The following PCNX1 variants were observed in gnomAD, a reference collection of about 807,000 sequenced individuals.
PCNX1 encodes pecanex-like protein 1.
In PCNX1, 78 loss-of-function variants were observed where a neutral mutation model predicts 242.2. That is an observed-to-expected ratio of 0.32 (90% CI 0.27 to 0.39). The LOEUF (loss-of-function observed/expected upper bound fraction) is 0.39. Among genes scored for constraint, PCNX1 ranks in the 10% least tolerant of loss-of-function variants. The probability of loss-of-function intolerance (pLI) is 1.00; values close to 1 mark genes in which losing one functional copy is unlikely to be tolerated. For synonymous variants in PCNX1, 1,024 were observed against 1,032.9 expected (o/e 0.99, Z 0.17); for missense variants, 2,581 against 2,856.5 (o/e 0.90, Z 2.20).
chr14:70,978,059 A>G lies in PCNX1; in HGVS notation c.1722A>G (p.Ser574=). The change falls in exon 6 of 36, where the codon TCA becomes TCG. Residue 574 remains serine (S), a synonymous_variant. Transcript: ENST00000304743. ...TGKKRASSFD[S]SRHRDYVCFR... is the part of the protein sequence containing the mutation. Reference sequence around the variant, plus strand: ...AAAAACGGGCTAGCAGTTTTGATTCAAGCCGGCATAGGGACTATGTTTGCT... The same window carrying G: ...AAAAACGGGCTAGCAGTTTTGATTCGAGCCGGCATAGGGACTATGTTTGCT... 1 of 1,614,130 alleles carries G rather than the reference A, an allele frequency of 6.2e-7. No homozygotes were observed. Among genetic ancestry groups the G allele is most frequent in the Non-Finnish European group, 8.5e-7 (1 of 1,180,022 alleles).
chr14:70,991,406 A>G (rs889252369), intron 7 of PCNX1, among the ~76,000 whole-genome samples: 2 of 151,726 alleles, frequency 1.3e-5, no homozygotes, highest in Non-Finnish European at 2.9e-5. Flanking sequence ...GGGTTTCACT[A>G]TGCTGGCCAG....
At chr14:71,031,148 T>C (rs2060371217) in intron 16 of PCNX1, among the ~76,000 whole-genome samples, 1 of 152,222 alleles carries the variant, frequency 6.6e-6, no homozygotes, top group Admixed American at 6.5e-5. Flanking sequence ...GGTGAGCTGC[T>C]ACACTGCACA....
intron 1 of PCNX1, among the ~76,000 whole-genome samples, chr14:70,925,624 C>A (rs1355396638): frequency 1.6e-5 from 2 of 122,088 alleles, no homozygotes; most frequent in African/African-American, 6.4e-5. Context: ...TGAACTGTAT[C>A]TACTCAGGTC....
intron 3 of PCNX1, among the ~76,000 whole-genome samples, 162 bp downstream of exon 3, chr14:70,962,493 C>T (rs1295030695): frequency 6.6e-6 from 1 of 152,086 alleles, no homozygotes; most frequent in East Asian, 1.9e-4. Context: ...TTTTAAGTTA[C>T]TTTTCACATT....
intron 28 of PCNX1, among the ~76,000 whole-genome samples, chr14:71,080,417 G>A (rs889721562): frequency 1.1e-4 from 16 of 152,108 alleles, no homozygotes; most frequent in African/African-American, 3.6e-4. Flanking sequence ...AAGCAAGTCT[G>A]TGGTAGCTTG....
At chr14:71,031,752 AT>A in intron 16 of PCNX1, 1 of 1,273,650 alleles carries the variant, frequency 7.9e-7, no homozygotes, top group Non-Finnish European at 1.1e-6. Flanking sequence ...CATCAACGAC[AT>A]TTTTGGGAAA....
intron 1 of PCNX1, among the ~76,000 whole-genome samples, chr14:70,923,910 A>AAT (rs1432999181): frequency 1.3e-5 from 2 of 152,288 alleles, no homozygotes; most frequent in Middle Eastern, 3.4e-3. Context: ...TGCTTTGTCA[A>AAT]AGGGCTAATA....
In PCNX1 at chr14:70,978,588, A is replaced by T; in HGVS notation, c.2251A>T (p.Asn751Tyr). ...SQLETVTRSR[N>Y]SLPNQVAFPE... ...GTTAGAGACAGTCACTCGATCTAGGAATAGCTTGCCAAACCAGGTTGCATT... is the reference window on the plus strand; with the variant it reads ...GTTAGAGACAGTCACTCGATCTAGGTATAGCTTGCCAAACCAGGTTGCATT... The change falls in exon 6 of 36, where the codon AAT becomes TAT. Residue 751 changes from asparagine to tyrosine, a missense_variant. Physicochemically the swap from Asn to Tyr is moderately radical, Grantham distance 143 (BLOSUM62 -2). Around this residue, in one of 9 missense-constraint regions of PCNX1, gnomAD observed 1,204 missense variants for 1,216.7 expected, o/e 0.99. Transcript: ENST00000304743. 6.2e-7 allele frequency: 1 copy of T among 1,614,126 alleles called. No homozygotes were observed. Among genetic ancestry groups the T allele is most frequent in the African/African-American group, 1.3e-5 (1 of 75,054 alleles).
intron 6 of PCNX1, among the ~76,000 whole-genome samples, chr14:70,983,454 G>A (rs760740646): frequency 2.6e-5 from 4 of 152,034 alleles, no homozygotes; most frequent in African/African-American, 4.8e-5. Flanking sequence ...GCAGGTGCCC[G>A]CCACGACACC....
intron 26 of PCNX1, among the ~76,000 whole-genome samples, chr14:71,073,232 A>T (rs141028949): frequency 6.6e-6 from 1 of 152,344 alleles, no homozygotes; most frequent in African/African-American, 2.4e-5. Flanking sequence ...CAGGAGGCAG[A>T]GGTTGCAGTG....
In PCNX1 at chr14:71,068,910, A is replaced by G. The variant is rs935652194; in HGVS notation, c.4853-4635A>G. 2.6e-5 allele frequency among the ~76,000 whole-genome samples: 4 copies of G among 152,104 alleles called. No individual in the cohort carries two copies. The South Asian group carries it at 8.3e-4, about 31-fold the overall frequency. ...TGCAATTGCAAAGTAAGCAGAAACTAGCAGTCCTTTTTTATAAGTGCCTAT... is the reference window on the plus strand; with the variant it reads ...TGCAATTGCAAAGTAAGCAGAAACTGGCAGTCCTTTTTTATAAGTGCCTAT... On this transcript the variant is annotated intron_variant, in intron 26 of 35. Coordinates refer to ENST00000304743, the MANE Select transcript of PCNX1 (RefSeq NM_014982.3).
chr14:70,990,288 G>A (rs1178162941), intron 7 of PCNX1, among the ~76,000 whole-genome samples: 3 of 152,000 alleles, frequency 2.0e-5, no homozygotes, highest in Non-Finnish European at 4.4e-5. Flanking sequence ...AAGGCTGGGC[G>A]CTGTGGCTCA....
At chr14:71,060,306 T>A (rs1340543864) in intron 26 of PCNX1, among the ~76,000 whole-genome samples, 5 of 152,212 alleles carry the variant, frequency 3.3e-5, no homozygotes, top group Non-Finnish European at 7.3e-5. Flanking sequence ...TAGTACTAGA[T>A]AATGATAATA....
intron 22 of PCNX1, among the ~76,000 whole-genome samples, chr14:71,049,477 C>T (rs2060960019): frequency 6.6e-6 from 1 of 152,104 alleles, no homozygotes; most frequent in Admixed American, 6.5e-5. Flanking sequence ...ATCCCTTTGC[C>T]TACCATCCTT....
chr14:71,037,429 C>T (rs1413025635), intron 19 of PCNX1, among the ~76,000 whole-genome samples: 2 of 146,556 alleles, frequency 1.4e-5, no homozygotes, highest in African/African-American at 5.1e-5. Flanking sequence ...GTGGGTTTGT[C>T]ATAGATAGCT....
At position 71,029,183 on chromosome 14, in the gene PCNX1, G is replaced by A. The variant is rs1006826264; in HGVS notation, c.3558+392G>A. Among the ~76,000 whole-genome samples, 12 of 152,022 alleles carry A rather than the reference G, an allele frequency of 7.9e-5. No individual in the cohort carries two copies. The South Asian group carries it at 2.3e-3, about 29-fold the overall frequency. On this transcript the variant is annotated intron_variant, in intron 16 of 35. Coordinates refer to ENST00000304743, the MANE Select transcript of PCNX1 (RefSeq NM_014982.3). ...AACAAGTTCAAGGACTGCAATTTAA[G>A]ATACATGCTAATAAAAAGTAATATA...
At chr14:71,066,820 G>C (rs761546406) in intron 26 of PCNX1, among the ~76,000 whole-genome samples, 10 of 151,848 alleles carry the variant, frequency 6.6e-5, no homozygotes, top group African/African-American at 1.9e-4. Context: ...TAGCATGAAG[G>C]GCTGTTGAAT....
At chr14:70,985,480 C>T (rs11621799) in intron 6 of PCNX1, among the ~76,000 whole-genome samples, 1 of 152,154 alleles carries the variant, frequency 6.6e-6, no homozygotes, top group Non-Finnish European at 1.5e-5. Context: ...TCCCAAAGTG[C>T]TGGGATTACA....
chr14:70,953,581 T>G (rs1306455079), intron 2 of PCNX1, among the ~76,000 whole-genome samples: 1 of 151,562 alleles, frequency 6.6e-6, no homozygotes, highest in African/African-American at 2.4e-5. Flanking sequence ...TTTCTTATGA[T>G]TATCATATAC....
Sources: allele counts gnomAD v4.1 joint callset (sites outside exome capture counted in the v4.1 genomes callset), GRCh38; gene constraint gnomAD v4.1.1; regional missense constraint gnomAD v4.1.1; transcripts MANE v1.5; gene names NCBI Gene and HGNC (gene_info 2026-07-23, HGNC 2026-07-21).